Variants in THSD7B observed in about 807,000 individuals in gnomAD.
THSD7B encodes the protein thrombospondin type-1 domain-containing protein 7B.
Under a neutral mutation model 213.6 loss-of-function variants are expected in THSD7B, and 138 were observed. The ratio of observed to expected loss-of-function variants is 0.65; its 90% CI spans 0.56 to 0.74. THSD7B has a LOEUF of 0.74. THSD7B is among the 30% of genes least tolerant of loss of function. The pLI, the probability that THSD7B is intolerant of heterozygous loss-of-function variation, is 0.00. For missense variants in THSD7B, 1,931 were observed against 1,991.5 expected, an observed-to-expected ratio of 0.97 and a Z score of 0.58; for synonymous variants, 742 against 687.0, an observed-to-expected ratio of 1.08 and a Z score of -1.25.
chr2:137,227,270 T>G (rs189167416), intron 7 of THSD7B, among the ~76,000 whole-genome samples: 183 of 152,292 alleles, frequency 1.2e-3, no homozygotes, highest in African/African-American at 4.2e-3. Flanking sequence ...GATTTTCCAT[T>G]TTTCCAGAAT....
chr2:137,426,340 A>T (rs1289472363), intron 14 of THSD7B, among the ~76,000 whole-genome samples: 3 of 152,186 alleles, frequency 2.0e-5, no homozygotes, highest in African/African-American at 7.2e-5. Context: ...CCTACAATTC[A>T]TATGGAACCA....
intron 9 of THSD7B, 103 bp downstream of exon 9, chr2:137,233,236 G>C: frequency 9.4e-7 from 1 of 1,062,928 alleles, no homozygotes; most frequent in Non-Finnish European, 1.3e-6. Flanking sequence ...GTCTCTGATA[G>C]AGTAAGAGGG....
At chr2:136,987,797 TG>T (rs2104812878) in intron 2 of THSD7B, among the ~76,000 whole-genome samples, 1 of 152,314 alleles carries the variant, frequency 6.6e-6, no homozygotes, top group Admixed American at 6.5e-5. Flanking sequence ...ACAAAAAGGA[TG>T]AAAGAAGTAA....
At chr2:137,350,026 T>A (rs1037455101) in intron 12 of THSD7B, among the ~76,000 whole-genome samples, 2 of 151,882 alleles carry the variant, frequency 1.3e-5, no homozygotes, top group Admixed American at 6.6e-5. Context: ...AAGTCTCTTA[T>A]GTATTAGATA....
intron 2 of THSD7B, among the ~76,000 whole-genome samples, chr2:136,895,514 CTTTTTTTTTTTTTTTT>C (rs71301798): frequency 1.4e-5 from 1 of 73,908 alleles, no homozygotes; most frequent in Non-Finnish European, 2.4e-5. Context: ...CAAGTGGAGA[CTTTTTTTTTTTTTTTT>C]TTTTTTTTTT....
chr2:137,397,218 T>C (rs1279338017), intron 12 of THSD7B, among the ~76,000 whole-genome samples: 1 of 152,100 alleles, frequency 6.6e-6, no homozygotes, highest in Non-Finnish European at 1.5e-5. Flanking sequence ...TGATGTTAGC[T>C]GGTGATTTTG....
chr2:137,671,932 A>G (rs1221174213), intron 27 of THSD7B, among the ~76,000 whole-genome samples: 1 of 152,104 alleles, frequency 6.6e-6, no homozygotes, highest in Non-Finnish European at 1.5e-5. Flanking sequence ...AGTCTGGAAT[A>G]ACTTGTTCAT....
chr2:136,978,058 C>T (rs540233337), intron 2 of THSD7B, among the ~76,000 whole-genome samples: 4 of 152,288 alleles, frequency 2.6e-5, no homozygotes, highest in African/African-American at 9.6e-5. Context: ...CTCAGCCTCC[C>T]AAAGTGCTGG....
In THSD7B at chr2:137,673,922, A is replaced by G. The variant is rs149650253; in HGVS notation, c.4740-2602A>G. On this transcript the variant is annotated intron_variant, in intron 27 of 27. Coordinates refer to ENST00000409968, the MANE Select transcript of THSD7B (RefSeq NM_001316349.2). ...CTTGATAAATGAGGTCCTAATCCCA[A>G]TGATCCCCAGCACACCACATGGCCC... Among the ~76,000 whole-genome samples, 654 of 152,300 alleles carry G rather than the reference A, an allele frequency of 4.3e-3. 4 individuals are homozygous for G. The highest frequency in any genetic ancestry group is 6.7e-3 in the Admixed American group (102 of 15,292).
chr2:136,972,931 A>G (rs520070), intron 2 of THSD7B, among the ~76,000 whole-genome samples: 148,376 of 152,184 alleles, frequency 0.97, 72,454 homozygotes, highest in Middle Eastern at 1. Context: ...TTTGAGATTC[A>G]GATAAATTCT....
intron 21 of THSD7B, among the ~76,000 whole-genome samples, chr2:137,648,446 C>A (rs1042291852): frequency 6.6e-6 from 1 of 152,128 alleles, no homozygotes; most frequent in African/African-American, 2.4e-5. Context: ...TGAGATCCAC[C>A]TTTTTAGCTT....
chr2:137,527,511 G>A (rs1680301135), intron 15 of THSD7B, among the ~76,000 whole-genome samples: 1 of 152,022 alleles, frequency 6.6e-6, no homozygotes, highest in Admixed American at 6.6e-5. Flanking sequence ...GAACATTGTG[G>A]TTATTTGCTA....
chr2:137,590,791 A>ATTTTTTTTTT, intron 17 of THSD7B, among the ~76,000 whole-genome samples: 3 of 96,924 alleles, frequency 3.1e-5, no homozygotes, highest in African/African-American at 1.2e-4. Context: ...GCTTTGAAAT[A>ATTTTTTTTTT]GTTTTTTTTT....
chr2:137,024,690 TACAC>T (rs147887943), intron 2 of THSD7B, among the ~76,000 whole-genome samples: 13 of 151,236 alleles, frequency 8.6e-5, no homozygotes, highest in Admixed American at 5.9e-4. Flanking sequence ...GATAAAAGTG[TACAC>T]ACACACACAC....
chr2:137,080,198 A>G (rs2104903617), intron 3 of THSD7B, among the ~76,000 whole-genome samples: 1 of 149,170 alleles, frequency 6.7e-6, no homozygotes, highest in Middle Eastern at 3.6e-3. Context: ...ATATATATAT[A>G]ATTGTATTGT....
chr2:137,292,439 A>C (rs559933167), intron 12 of THSD7B, among the ~76,000 whole-genome samples: 6 of 152,228 alleles, frequency 3.9e-5, no homozygotes, highest in Non-Finnish European at 5.9e-5. Flanking sequence ...TGAAAATTTG[A>C]GTACTGTGTC....
intron 12 of THSD7B, among the ~76,000 whole-genome samples, chr2:137,351,138 G>A (rs929991870): frequency 1.3e-5 from 2 of 151,862 alleles, no homozygotes; most frequent in Non-Finnish European, 2.9e-5. Context: ...GAGGGACAAT[G>A]TCTAGTGAGA....
At chr2:137,539,518 G>A (rs1680568404) in intron 15 of THSD7B, among the ~76,000 whole-genome samples, 3 of 151,690 alleles carry the variant, frequency 2.0e-5, no homozygotes, top group African/African-American at 7.3e-5. Flanking sequence ...GTCATATGGT[G>A]TATAAGTAAA....
intron 2 of THSD7B, among the ~76,000 whole-genome samples, chr2:136,969,719 T>C (rs980254755): frequency 1.3e-5 from 2 of 152,186 alleles, no homozygotes; most frequent in East Asian, 1.9e-4. Context: ...ATTTTCTTTA[T>C]AGAAACAGTA....
Sources: allele counts gnomAD v4.1 joint callset (sites outside exome capture counted in the v4.1 genomes callset), GRCh38; gene constraint gnomAD v4.1.1; transcripts MANE v1.5; gene names NCBI Gene and HGNC (gene_info 2026-07-23, HGNC 2026-07-21).